Variants in PVT1 observed in about 807,000 individuals in gnomAD.
PVT1 encodes the protein CXCR4/PVT1 fusion.
At chr8:127,936,361 T>C (rs989099487) in intron 3 of PVT1, among the ~76,000 whole-genome samples, 1 of 152,152 alleles carries the variant, frequency 6.6e-6, no homozygotes, top group African/African-American at 2.4e-5. Context: ...CGACAGTGTC[T>C]TCTCTAAGCA....
chr8:128,068,446 G>A (rs950407307), intron 4 of PVT1, among the ~76,000 whole-genome samples: 5 of 152,098 alleles, frequency 3.3e-5, no homozygotes, highest in Non-Finnish European at 7.4e-5. Flanking sequence ...ATCAGACAAC[G>A]GTAATGTACC....
At chr8:128,063,954 A>G (rs530561911) in intron 4 of PVT1, among the ~76,000 whole-genome samples, 1 of 152,336 alleles carries the variant, frequency 6.6e-6, no homozygotes, top group South Asian at 2.1e-4. Flanking sequence ...ATCGTGTTGT[A>G]AATAGTAAAT....
At chr8:127,970,590 C>T (rs574823105) in intron 3 of PVT1, among the ~76,000 whole-genome samples, 29 of 152,204 alleles carry the variant, frequency 1.9e-4, no homozygotes, top group African/African-American at 4.3e-4. Context: ...TGAGCAACCA[C>T]GCCCAGCCGA....
At chr8:127,837,031 G>A (rs757723985) in intron 2 of PVT1, among the ~76,000 whole-genome samples, 4 of 152,182 alleles carry the variant, frequency 2.6e-5, no homozygotes, top group Admixed American at 6.5e-5. Context: ...ATGGATTCTA[G>A]CCCATGGGAC....
chr8:128,088,091 G>A (rs1814282127), intron 5 of PVT1, among the ~76,000 whole-genome samples: 1 of 152,002 alleles, frequency 6.6e-6, no homozygotes, highest in Non-Finnish European at 1.5e-5. Flanking sequence ...AGACATAACA[G>A]TTAAATTCCC....
chr8:128,030,979 C>T (rs1438323668), intron 4 of PVT1, among the ~76,000 whole-genome samples: 1 of 152,228 alleles, frequency 6.6e-6, no homozygotes, highest in Non-Finnish European at 1.5e-5. Flanking sequence ...AGCGCCCTCC[C>T]TATGAAGCTT....
chr8:128,007,576 G>A (rs1817262485), intron 4 of PVT1, among the ~76,000 whole-genome samples: 1 of 152,144 alleles, frequency 6.6e-6, no homozygotes, highest in South Asian at 2.1e-4. Flanking sequence ...ACAATATAGT[G>A]CACATACATA....
chr8:127,998,923 TTATCTTGTATATTTCCAGC>T (rs1316876884), intron 4 of PVT1, among the ~76,000 whole-genome samples: 2 of 151,204 alleles, frequency 1.3e-5, no homozygotes, highest in Non-Finnish European at 2.9e-5. Context: ...TGCTTAGGGC[TTATCTTGTATATTTCCAGC>T]CCCAGTTATA....
chr8:128,072,537 C>T (rs550505167), intron 5 of PVT1, among the ~76,000 whole-genome samples: 8 of 152,314 alleles, frequency 5.3e-5, no homozygotes, highest in African/African-American at 1.9e-4. Flanking sequence ...TTATGTGTCT[C>T]ATCTCAGTTT....
intron 2 of PVT1, among the ~76,000 whole-genome samples, chr8:127,868,424 A>C (rs756850943): frequency 2.0e-5 from 3 of 151,890 alleles, no homozygotes; most frequent in African/African-American, 7.3e-5. Flanking sequence ...GTCTCACTCT[A>C]TTGCCCAGGT....
intron 3 of PVT1, chr8:127,939,631 C>T (rs1462667920): frequency 6.6e-6 from 1 of 152,192 alleles, no homozygotes; most frequent in Non-Finnish European, 1.5e-5. Context: ...GCACGTGGCT[C>T]CCTTGGTGTT....
intron 2 of PVT1, among the ~76,000 whole-genome samples, chr8:127,858,308 G>A (rs57591558): frequency 0.017 from 2,584 of 152,226 alleles, 79 homozygotes; most frequent in African/African-American, 0.059. Context: ...CAGGGAGGCT[G>A]AGGCAGGAGA....
chr8:127,930,673 C>G (rs1378327249), intron 3 of PVT1, among the ~76,000 whole-genome samples: 2 of 152,098 alleles, frequency 1.3e-5, no homozygotes, highest in South Asian at 4.1e-4. Flanking sequence ...GTACCAGTTC[C>G]TGGGGCGTCA....
chr8:128,000,823 G>T (rs1817168831), intron 4 of PVT1, among the ~76,000 whole-genome samples: 1 of 152,214 alleles, frequency 6.6e-6, no homozygotes, highest in African/African-American at 2.4e-5. Context: ...AGCTCTGCAA[G>T]GTCCTCCAGG....
intron 5 of PVT1, among the ~76,000 whole-genome samples, chr8:128,092,693 G>A (rs1430671979): frequency 2.6e-5 from 4 of 152,202 alleles, no homozygotes; most frequent in Non-Finnish European, 5.9e-5. Flanking sequence ...ACAGCCAAGT[G>A]TGGGAGAGCT....
At chr8:127,817,403 A>T (rs1386514280) in intron 2 of PVT1, among the ~76,000 whole-genome samples, 1 of 122,752 alleles carries the variant, frequency 8.1e-6, no homozygotes, top group East Asian at 2.1e-4. Context: ...TATATATTAA[A>T]TAATATATAT....
chr8:128,006,609 T>C (rs963383466), intron 4 of PVT1, among the ~76,000 whole-genome samples: 1 of 152,236 alleles, frequency 6.6e-6, no homozygotes, highest in African/African-American at 2.4e-5. Context: ...ATAATTCTTG[T>C]CTGAAACAGT....
At chr8:127,937,416 T>A (rs1816289453) in intron 3 of PVT1, among the ~76,000 whole-genome samples, 1 of 151,830 alleles carries the variant, frequency 6.6e-6, no homozygotes, top group Admixed American at 6.6e-5. Context: ...GCCCAGCTAA[T>A]TTTTGTATTT....
chr8:128,047,065 T>C (rs928728015), intron 4 of PVT1, among the ~76,000 whole-genome samples: 7 of 152,246 alleles, frequency 4.6e-5, no homozygotes, highest in African/African-American at 1.2e-4. Context: ...ATCTTTTGAC[T>C]ATCCAAAGGT....
Sources: allele counts gnomAD v4.1 joint callset (sites outside exome capture counted in the v4.1 genomes callset), GRCh38; gene constraint gnomAD v4.1.1; transcripts MANE v1.5; gene names NCBI Gene and HGNC (gene_info 2026-07-23, HGNC 2026-07-21).